Variants in CPQ observed in about 807,000 individuals in gnomAD.
CPQ encodes the protein Ser-Met dipeptidase.
In CPQ, 37 loss-of-function variants were observed where a neutral mutation model predicts 45.7. That is an observed-to-expected ratio of 0.81 (90% CI 0.62 to 1.07). The LOEUF is 1.07. CPQ is among the 50% of genes least tolerant of loss of function. The pLI is 0.00. For missense variants in CPQ, 537 were observed against 572.9 expected, an observed-to-expected ratio of 0.94 and a Z score of 0.64; for synonymous variants, 186 against 205.8, an observed-to-expected ratio of 0.90 and a Z score of 0.82.
intron 4 of CPQ, among the ~76,000 whole-genome samples, chr8:96,959,683 T>C (rs903680961): frequency 6.6e-6 from 1 of 151,238 alleles, no homozygotes; most frequent in African/African-American, 2.4e-5. Flanking sequence ...TAATGAGTTA[T>C]TTTTTTTTCT....
intron 7 of CPQ, among the ~76,000 whole-genome samples, chr8:97,072,434 T>G (rs1396197390): frequency 6.6e-6 from 1 of 152,064 alleles, no homozygotes; most frequent in Non-Finnish European, 1.5e-5. Context: ...AACTTACTCA[T>G]GTAACCAAAC....
intron 4 of CPQ, among the ~76,000 whole-genome samples, chr8:96,900,502 G>T (rs562673981): frequency 1.3e-5 from 2 of 152,268 alleles, no homozygotes; most frequent in Non-Finnish European, 2.9e-5. Flanking sequence ...ATAGATAGTT[G>T]TTTGTACATT....
At chr8:96,750,355 G>C (rs1000906802) in intron 1 of CPQ, among the ~76,000 whole-genome samples, 1 of 151,672 alleles carries the variant, frequency 6.6e-6, no homozygotes, top group Non-Finnish European at 1.5e-5. Context: ...ATTTCTTATA[G>C]AAGGGATAAT....
At chr8:96,657,155 G>C (rs1469928189) in intron 1 of CPQ, among the ~76,000 whole-genome samples, 3 of 152,072 alleles carry the variant, frequency 2.0e-5, no homozygotes, top group Admixed American at 2.0e-4. Context: ...GACCATCCTG[G>C]CAAACATGGT....
chr8:96,896,918 T>C (rs1443951352), intron 4 of CPQ, among the ~76,000 whole-genome samples: 1 of 152,216 alleles, frequency 6.6e-6, no homozygotes, highest in Non-Finnish European at 1.5e-5. Context: ...AAGATTGTTA[T>C]GGGTTTCTAG....
At chr8:97,054,250 C>T (rs530242843) in intron 6 of CPQ, among the ~76,000 whole-genome samples, 4 of 152,024 alleles carry the variant, frequency 2.6e-5, no homozygotes, top group Admixed American at 2.0e-4. Flanking sequence ...GGAGAATGGC[C>T]ATTATTAAAA....
intron 2 of CPQ, among the ~76,000 whole-genome samples, chr8:96,803,024 G>A (rs1811027311): frequency 6.7e-6 from 1 of 148,278 alleles, no homozygotes; most frequent in Admixed American, 6.7e-5. Context: ...CACACACATG[G>A]CCTCTTTGGA....
intron 1 of CPQ, among the ~76,000 whole-genome samples, chr8:96,707,145 TA>T (rs1210982312): frequency 5.3e-5 from 8 of 152,120 alleles, no homozygotes; most frequent in African/African-American, 1.9e-4. Flanking sequence ...TAATAGACCC[TA>T]AAGTATAACT....
intron 3 of CPQ, among the ~76,000 whole-genome samples, chr8:96,875,128 T>C (rs1240801283): frequency 2.0e-5 from 3 of 151,930 alleles, no homozygotes; most frequent in African/African-American, 7.2e-5. Context: ...TTATGTATCT[T>C]CTTTGGAGAA....
rs1382639600 is a variant in CPQ at position 97,043,095 on chromosome 8, C to T, written c.1053+13601C>T. ...AATGTTGACAGTGGGGTGTTAAAGT[C>T]TCCCATTATTAATGTGTGGGAGTCT... On this transcript the variant is annotated intron_variant, in intron 6 of 7. Coordinates refer to ENST00000220763, the MANE Select transcript of CPQ (RefSeq NM_016134.4). 2.0e-5 allele frequency among the ~76,000 whole-genome samples: 3 copies of T among 152,008 alleles called. No individual in the cohort carries two copies. In the South Asian group the frequency reaches 6.2e-4, roughly 32 times the overall value.
intron 6 of CPQ, among the ~76,000 whole-genome samples, chr8:97,035,188 G>A (rs1282335976): frequency 6.6e-6 from 1 of 152,144 alleles, no homozygotes; most frequent in Non-Finnish European, 1.5e-5. Context: ...ACCACGCCCA[G>A]CCATCCCTTT....
At chr8:97,023,548 CT>C (rs1375869714) in intron 5 of CPQ, among the ~76,000 whole-genome samples, 2 of 152,180 alleles carry the variant, frequency 1.3e-5, no homozygotes, top group African/African-American at 4.8e-5. Context: ...CAGAAATGGC[CT>C]TTATGCACTT....
At chr8:96,716,829 C>G (rs979892736) in intron 1 of CPQ, among the ~76,000 whole-genome samples, 7 of 151,382 alleles carry the variant, frequency 4.6e-5, no homozygotes, top group African/African-American at 1.7e-4. Flanking sequence ...ATTGCTTGAA[C>G]CTGGGAGGCA....
At chr8:97,141,043 C>T (rs1344853742) in intron 7 of CPQ, among the ~76,000 whole-genome samples, 1 of 151,946 alleles carries the variant, frequency 6.6e-6, no homozygotes, top group Non-Finnish European at 1.5e-5. Flanking sequence ...ATTTCCTATT[C>T]TGGATGGGTA....
chr8:96,943,570 A>G (rs1230469966), intron 4 of CPQ, among the ~76,000 whole-genome samples: 3 of 152,190 alleles, frequency 2.0e-5, no homozygotes, highest in Non-Finnish European at 4.4e-5. Context: ...AGTAACTTGC[A>G]TAATGTTGCA....
chr8:97,128,676 C>T (rs1045650828), intron 7 of CPQ, among the ~76,000 whole-genome samples: 1 of 152,154 alleles, frequency 6.6e-6, no homozygotes, highest in Non-Finnish European at 1.5e-5. Context: ...CAGAGCGAAA[C>T]TCTGTCTCAA....
chr8:96,692,726 A>T (rs1490843436), intron 1 of CPQ, among the ~76,000 whole-genome samples: 6 of 152,224 alleles, frequency 3.9e-5, no homozygotes, highest in African/African-American at 7.2e-5. Flanking sequence ...TAAGAAGGAC[A>T]GGTACAAATA....
intron 5 of CPQ, among the ~76,000 whole-genome samples, chr8:96,992,000 A>G (rs1809102343): frequency 6.6e-6 from 1 of 152,214 alleles, no homozygotes; most frequent in Non-Finnish European, 1.5e-5. Context: ...CCCTAGTCTC[A>G]GTACTTGGCC....
intron 5 of CPQ, among the ~76,000 whole-genome samples, chr8:97,008,501 T>C (rs923718564): frequency 6.6e-6 from 1 of 152,184 alleles, no homozygotes; most frequent in Non-Finnish European, 1.5e-5. Flanking sequence ...ATTTTCCTTA[T>C]TGGAGCCTTG....
Sources: gnomAD v4.1 joint callset for allele counts (sites outside exome capture counted in the v4.1 genomes callset) on GRCh38, gnomAD v4.1.1 for gene constraint, MANE v1.5 for transcripts, NCBI Gene and HGNC (gene_info 2026-07-23, HGNC 2026-07-21) for gene names.